Variants in TSC22D1 observed in about 807,000 individuals in gnomAD.
The protein encoded by TSC22D1 is TSC22 domain family member 1.
In TSC22D1, 9 loss-of-function variants were observed where a neutral mutation model predicts 74.2. That is an observed-to-expected ratio of 0.12 (90% CI 0.07 to 0.21). TSC22D1 has a LOEUF of 0.21. Ranked by LOEUF, TSC22D1 falls within the 10% of genes least tolerant of loss-of-function variation. TSC22D1 has a pLI of 1.00. For missense variants in TSC22D1, 1,427 were observed against 1,304.7 expected (o/e 1.09, Z -1.44); for synonymous variants, 586 against 492.5 (o/e 1.19, Z -2.51).
chr13:44,573,133 A>C, intron 1 of TSC22D1, 30 bp downstream of exon 1: 1 of 1,601,282 alleles, frequency 6.2e-7, no homozygotes. Flanking sequence ...AAATCTGTTG[A>C]ATGTCTCCAG....
chr13:44,434,747 T>C lies in TSC22D1; in HGVS notation c.3101A>G (p.Glu1034Gly). The change falls in exon 3 of 3, where the codon GAG becomes GGG. Residue 1034 changes from glutamate to glycine, a missense_variant. Coordinates refer to ENST00000458659, the MANE Select transcript of TSC22D1 (RefSeq NM_183422.4). ...CTGGGCCTGAAACTGGGCAAGCTGC[T>C]CAGGACTGGCCAGTGTCTTCAGCAG... Reference protein sequence around the residue: ...NNLLKTLASPEQLAQFQAQLQ... With the variant: ...NNLLKTLASPGQLAQFQAQLQ... 1 of 1,613,890 alleles carries C rather than the reference T, an allele frequency of 6.2e-7. No individual in the cohort carries two copies. The highest frequency in any genetic ancestry group is 1.1e-5 in the South Asian group (1 of 91,068).
At chr13:44,454,562 T>C (rs1876413501) in intron 1 of TSC22D1, among the ~76,000 whole-genome samples, 1 of 152,030 alleles carries the variant, frequency 6.6e-6, no homozygotes, top group African/African-American at 2.4e-5. Context: ...AGTTACTATA[T>C]TTACTATGTT....
rs1877482791 is a variant in TSC22D1 at position 44,469,593 on chromosome 13, AGGGT to A, written c.2913-33502_2913-33499del. 1.3e-5 allele frequency among the ~76,000 whole-genome samples: 2 copies of A among 152,202 alleles called. 1 individual carries two copies. Among genetic ancestry groups the A allele is most frequent in the South Asian group, 4.1e-4 (2 of 4,834 alleles). Reference sequence around the variant, plus strand: ...AAAACTCTGCCCCAAAGCAACAGGGAGGGTGTAGACTGTGTTTTAAAGCACGAAT... The same window carrying A: ...AAAACTCTGCCCCAAAGCAACAGGGAGTAGACTGTGTTTTAAAGCACGAAT... On this transcript the variant is annotated intron_variant, in intron 1 of 2. Transcript: ENST00000458659.
At chr13:44,545,513 T>C (rs1181224976) in intron 1 of TSC22D1, among the ~76,000 whole-genome samples, 1 of 152,018 alleles carries the variant, frequency 6.6e-6, no homozygotes, top group African/African-American at 2.4e-5. Context: ...CTTCTTCGTC[T>C]TGCTAGCATG....
rs1005999863 is a variant in TSC22D1, at chr13:44,433,980, T to C, written c.*646A>G. On this transcript the variant is annotated 3_prime_UTR_variant, in exon 3 of 3. Transcript: ENST00000458659. ...AATAGTTACACTACATACACAAATA[T>C]ACAATAAGCAAAACAACCTTCATGG... 2.6e-6 allele frequency: 4 copies of C among 1,534,386 alleles called. No individual in the cohort carries two copies. The highest frequency in any genetic ancestry group is 2.7e-5 in the African/African-American group (2 of 72,930).
At chr13:44,544,475 C>T (rs569310863) in intron 1 of TSC22D1, among the ~76,000 whole-genome samples, 1 of 142,080 alleles carries the variant, frequency 7.0e-6, no homozygotes, top group African/African-American at 2.6e-5. Flanking sequence ...ATGGAATACA[C>T]ATTTTTTGAA....
chr13:44,462,171 A>G (rs979627697), intron 1 of TSC22D1, among the ~76,000 whole-genome samples: 1 of 152,230 alleles, frequency 6.6e-6, no homozygotes, highest in Admixed American at 6.5e-5. Context: ...CACAATAAGA[A>G]TAATTCAGAC....
chr13:44,551,310 G>GCTGGGTGT (rs1555272440), intron 1 of TSC22D1, among the ~76,000 whole-genome samples: 1 of 132,776 alleles, frequency 7.5e-6, no homozygotes. Flanking sequence ...ATCAGCTGGG[G>GCTGGGTGT]GTGTGTGTGT....
intron 1 of TSC22D1, among the ~76,000 whole-genome samples, chr13:44,470,399 T>C (rs1319150630): frequency 6.6e-6 from 1 of 152,168 alleles, no homozygotes; most frequent in Non-Finnish European, 1.5e-5. Context: ...AGCAGGTAAT[T>C]GGATTCGAAA....
chr13:44,574,963 G>C lies in TSC22D1; in HGVS notation c.1112C>G (p.Thr371Ser). The C allele has an allele frequency of 6.2e-7, 1 of 1,614,052 alleles. No homozygotes were observed. Among genetic ancestry groups the C allele is most frequent in the Non-Finnish European group, 8.5e-7 (1 of 1,180,014 alleles). The change falls in exon 1 of 3, where the codon ACT (threonine) becomes AGT (serine). Residue 371 changes from threonine to serine, a missense_variant. By Grantham distance (58) the Thr-to-Ser change is moderately conservative (BLOSUM62 1). Coordinates refer to ENST00000458659, the MANE Select transcript of TSC22D1 (RefSeq NM_183422.4). ...VNILSGMGNG[T>S]ISSSAAVSSV... ...GCTAACAGCAGCAGAGGAAGAAATA[G>C]TACCATTGCCCATGCCACTCAAGAT...
chr13:44,450,403 T>C (rs1876027393), intron 1 of TSC22D1, among the ~76,000 whole-genome samples: 1 of 152,150 alleles, frequency 6.6e-6, no homozygotes, highest in Non-Finnish European at 1.5e-5. Context: ...GTCCACATAA[T>C]AGGGTTTAAA....
Position 44,576,252 on chromosome 13 carries a change from GA to G in TSC22D1, c.-179del. On this transcript the variant is annotated 5_prime_UTR_variant, in exon 1 of 3. Transcript: ENST00000458659. The stretch of plus-strand genomic sequence containing the variant: ...CTCCTGCCTTCGAGAGCGAGCTTCG[GA>G]AAGGAGGATGAACGAGGGTGAACAG... 2 of 923,604 alleles carry G rather than the reference GA, an allele frequency of 2.2e-6. No homozygotes were observed. The highest frequency in any genetic ancestry group is 3.1e-6 in the Non-Finnish European group (2 of 638,512). The allele number at this position is 923,604 out of a possible 1,614,324, so 57.2% of individuals were successfully genotyped here.
intron 1 of TSC22D1, among the ~76,000 whole-genome samples, chr13:44,556,239 AACCACC>A (rs936896380): frequency 2.0e-5 from 3 of 151,700 alleles, no homozygotes; most frequent in African/African-American, 7.3e-5. Flanking sequence ...AAAAAAAACA[AACCACC>A]ACCACCACCA....
rs779732270 is a variant in TSC22D1 at position 44,574,424 on chromosome 13, A to G, written c.1651T>C (p.Ser551Pro). The G allele has an allele frequency of 5.0e-6, 8 of 1,614,194 alleles. No homozygotes were observed. The highest frequency in any genetic ancestry group is 2.2e-5 in the East Asian group (1 of 44,890). The change falls in exon 1 of 3, where the codon TCT (serine) becomes CCT (proline). Residue 551 changes from serine (S) to proline (P), a missense_variant. Transcript: ENST00000458659. ...TTTTGCTGATAGCTCAGTTCTTGAG[A>G]CTGTAATTGTACTTGTGAGATCTGT... Reference protein sequence around the residue: ...QSQISQVQLQSQELSYQQKQG... With the variant: ...QSQISQVQLQPQELSYQQKQG...
chr13:44,529,811 A>G (rs1595140021), intron 1 of TSC22D1, among the ~76,000 whole-genome samples: 1 of 152,268 alleles, frequency 6.6e-6, no homozygotes, highest in East Asian at 1.9e-4. Flanking sequence ...AAATTAAAAC[A>G]CCATTTACAT....
At chr13:44,478,525 A>G (rs1365800809) in intron 1 of TSC22D1, among the ~76,000 whole-genome samples, 3 of 152,038 alleles carry the variant, frequency 2.0e-5, no homozygotes, top group Non-Finnish European at 4.4e-5. Context: ...TACAAAGAAT[A>G]AAATAAATAG....
intron 1 of TSC22D1, among the ~76,000 whole-genome samples, chr13:44,551,288 C>A (rs558017634): frequency 1.3e-5 from 2 of 150,454 alleles, no homozygotes; most frequent in Admixed American, 6.7e-5. Flanking sequence ...AAAACAAAAA[C>A]CCAAAACCCC....
intron 1 of TSC22D1, among the ~76,000 whole-genome samples, chr13:44,441,368 G>A (rs1225971974): frequency 1.3e-5 from 2 of 152,176 alleles, no homozygotes; most frequent in African/African-American, 4.8e-5. Context: ...AAGCTCAAAG[G>A]CAGTTTTACT....
intron 1 of TSC22D1, among the ~76,000 whole-genome samples, chr13:44,551,389 G>GGTGGGTGTGTGGGTGTGTGTGTGT (rs1298469090): frequency 4.8e-5 from 6 of 125,306 alleles, no homozygotes; most frequent in Admixed American, 1.6e-4. Flanking sequence ...CAATCAGATG[G>GGTGGGTGTGTGGGTGTGTGTGTGT]GTGTGTGTGT....
Sources: gnomAD v4.1 joint callset for allele counts (sites outside exome capture counted in the v4.1 genomes callset) on GRCh38, gnomAD v4.1.1 for gene constraint, MANE v1.5 for transcripts, NCBI Gene and HGNC (gene_info 2026-07-23, HGNC 2026-07-21) for gene names.